The following SNX7 variants were observed in gnomAD, a reference collection of about 807,000 sequenced individuals.
SNX7 encodes sorting nexin 7, also known as sorting nexin-7.
Under a neutral mutation model 48.4 loss-of-function variants are expected in SNX7, and 35 were observed. That is an observed-to-expected ratio of 0.72 (90% CI 0.55 to 0.96). SNX7 has a LOEUF of 0.96. SNX7 is among the 40% of genes least tolerant of loss of function. SNX7 has a pLI of 0.00. For synonymous variants in SNX7, 190 were observed against 190.2 expected, an observed-to-expected ratio of 1.00 and a Z score of 0.01; for missense variants, 553 against 548.9, an observed-to-expected ratio of 1.01 and a Z score of -0.07.
intron 7 of SNX7, among the ~76,000 whole-genome samples, chr1:98,735,477 C>A (rs1313839206): frequency 6.6e-6 from 1 of 152,038 alleles, no homozygotes; most frequent in African/African-American, 2.4e-5. Flanking sequence ...ATATTTAAGG[C>A]ATATGTGTCA....
At chr1:98,687,379 A>G (rs1650861601) in intron 2 of SNX7, among the ~76,000 whole-genome samples, 1 of 152,104 alleles carries the variant, frequency 6.6e-6, no homozygotes, top group Admixed American at 6.6e-5. Context: ...TTCTACTTCT[A>G]ATTACTTTTA....
Position 98,722,846 on chromosome 1 carries a change from A to G in SNX7, c.1126-15391A>G, listed in dbSNP as rs1430473707. The stretch of plus-strand genomic sequence containing the variant: ...TCCTCAAATTTTATTATTTTGCTCA[A>G]AAATGTTGGTGATATATCTTTACGT... On this transcript the variant is annotated intron_variant, in intron 7 of 8. Transcript: ENST00000306121. Among the ~76,000 whole-genome samples the G allele has an allele frequency of 2.6e-5, 4 of 152,180 alleles. No individual in the cohort carries two copies. In the East Asian group the frequency reaches 7.7e-4, roughly 29 times the overall value.
At chr1:98,666,766 T>C (rs1649559460) in intron 1 of SNX7, among the ~76,000 whole-genome samples, 1 of 152,156 alleles carries the variant, frequency 6.6e-6, no homozygotes, top group African/African-American at 2.4e-5. Context: ...GCTGTGCAAC[T>C]TCCCAGGCTA....
chr1:98,738,896 T>A (rs1653931335), intron 8 of SNX7, among the ~76,000 whole-genome samples: 3 of 150,026 alleles, frequency 2.0e-5, no homozygotes, highest in South Asian at 4.3e-4. Flanking sequence ...GTTTTTTTTT[T>A]ATTGTAAACA....
chr1:98,677,031 A>T (rs1023385145), intron 1 of SNX7, among the ~76,000 whole-genome samples: 2 of 152,212 alleles, frequency 1.3e-5, no homozygotes, highest in African/African-American at 4.8e-5. Context: ...ATAACAACAG[A>T]CAAAACTTTT....
chr1:98,743,717 T>A (rs1475875311), intron 8 of SNX7, among the ~76,000 whole-genome samples: 1 of 152,124 alleles, frequency 6.6e-6, no homozygotes, highest in Non-Finnish European at 1.5e-5. Context: ...TTTACTTATT[T>A]AGGGATTTAT....
At chr1:98,728,979 T>C (rs4548466) in intron 7 of SNX7, among the ~76,000 whole-genome samples, 84,068 of 152,080 alleles carry the variant, frequency 0.55, 24,279 homozygotes, top group Non-Finnish European at 0.64. Context: ...CACCCCAAAA[T>C]GACAGAATAT....
Position 98,757,844 on chromosome 1 carries a change from C to T in SNX7, c.1279-2210C>T, listed in dbSNP as rs187785300. Reference sequence around the variant, plus strand: ...CTGAGTTCTTGATCACTACACTATACTTCCTCACATTGACCTTTCACAAAC... The same window carrying T: ...CTGAGTTCTTGATCACTACACTATATTTCCTCACATTGACCTTTCACAAAC... On this transcript the variant is annotated intron_variant, in intron 8 of 8. Transcript: ENST00000306121. 2.6e-3 allele frequency among the ~76,000 whole-genome samples: 402 copies of T among 152,208 alleles called. 2 individuals are homozygous for T. The highest frequency in any genetic ancestry group is 4.9e-3 in the Non-Finnish European group (336 of 67,976).
At chr1:98,701,938 A>G (rs952827033) in intron 7 of SNX7, 35 bp downstream of exon 7, 6 of 1,441,316 alleles carry the variant, frequency 4.2e-6, no homozygotes, top group Non-Finnish European at 5.8e-6. Context: ...AATCATATAG[A>G]ATTCATTGTC....
intron 3 of SNX7, 23 bp from the exon 4 acceptor site, chr1:98,691,512 C>A: frequency 6.5e-7 from 1 of 1,546,366 alleles, no homozygotes; most frequent in Non-Finnish European, 8.7e-7. Context: ...ACTTGAATAC[C>A]TTTTTAATTT....
chr1:98,757,587 T>A (rs1043574849), intron 8 of SNX7, among the ~76,000 whole-genome samples: 5 of 152,036 alleles, frequency 3.3e-5, no homozygotes, highest in African/African-American at 1.2e-4. Flanking sequence ...CTTTCTGAGG[T>A]ACTAGAATTA....
intron 8 of SNX7, among the ~76,000 whole-genome samples, chr1:98,744,125 CAG>C (rs1430396267): frequency 2.6e-5 from 4 of 151,938 alleles, no homozygotes; most frequent in Non-Finnish European, 5.9e-5. Flanking sequence ...CATCAGGAGA[CAG>C]TACTATTTCC....
intron 6 of SNX7, among the ~76,000 whole-genome samples, chr1:98,699,686 C>A (rs1331342816): frequency 6.6e-6 from 1 of 152,024 alleles, no homozygotes; most frequent in Non-Finnish European, 1.5e-5. Flanking sequence ...CTAGAGATTT[C>A]TTTCAATTTT....
At chr1:98,672,484 A>G (rs1649922878) in intron 1 of SNX7, among the ~76,000 whole-genome samples, 1 of 149,960 alleles carries the variant, frequency 6.7e-6, no homozygotes, top group African/African-American at 2.5e-5. Flanking sequence ...AAGAAGAGGG[A>G]TCATTAGGAA....
rs1570625402 is a variant in SNX7 at position 98,760,265 on chromosome 1, A to G, written c.*134A>G. ...CCATCTGGAAAACCAACAACTTGAA[A>G]TCTCAGGTATTCCAGGTCACTGACA... On this transcript the variant is annotated 3_prime_UTR_variant, in exon 9 of 9. Transcript: ENST00000306121. 4.6e-6 allele frequency: 3 copies of G among 654,416 alleles called. No homozygotes were observed. The highest frequency in any genetic ancestry group is 2.5e-5 in the Admixed American group (1 of 39,438). The allele number at this position is 654,416 out of a possible 1,614,324, so 40.5% of individuals were successfully genotyped here. A position where few individuals can be genotyped will look rare whatever the true frequency, so the allele number is the denominator to read the frequency against.
intron 7 of SNX7, among the ~76,000 whole-genome samples, chr1:98,713,644 C>G (rs1652437595): frequency 1.3e-5 from 2 of 152,120 alleles, no homozygotes; most frequent in South Asian, 4.1e-4. Flanking sequence ...AAGAGATGCT[C>G]AATTCTTTCT....
intron 7 of SNX7, among the ~76,000 whole-genome samples, chr1:98,712,225 A>G (rs1042113992): frequency 3.9e-5 from 6 of 152,236 alleles, no homozygotes; most frequent in African/African-American, 1.2e-4. Context: ...CATGAATCCC[A>G]TATATTTTTC....
chr1:98,702,201 G>A (rs1485769236), intron 7 of SNX7, among the ~76,000 whole-genome samples: 3 of 152,116 alleles, frequency 2.0e-5, no homozygotes, highest in Non-Finnish European at 2.9e-5. Context: ...GGCAATGCTA[G>A]CATTATTCCA....
chr1:98,723,473 C>T (rs1358022277), intron 7 of SNX7, among the ~76,000 whole-genome samples: 1 of 150,994 alleles, frequency 6.6e-6, no homozygotes, highest in African/African-American at 2.4e-5. Context: ...TTTTTTTGGC[C>T]AGAATTAGAG....
Sources: allele counts gnomAD v4.1 joint callset (sites outside exome capture counted in the v4.1 genomes callset), GRCh38; gene constraint gnomAD v4.1.1; transcripts MANE v1.5; gene names NCBI Gene and HGNC (gene_info 2026-07-23, HGNC 2026-07-21).